The following PCDH7 variants were observed in gnomAD, a reference collection of about 807,000 sequenced individuals.
The protein encoded by PCDH7 is protocadherin-7.
Under a neutral mutation model 58.9 loss-of-function variants are expected in PCDH7, and 17 were observed. The observed-to-expected ratio is 0.29, with a 90% CI of 0.20 to 0.43. PCDH7 has a LOEUF of 0.43. Among genes scored for constraint, PCDH7 ranks in the 20% least tolerant of loss-of-function variants. The pLI, the probability that PCDH7 is intolerant of heterozygous loss-of-function variation, is 1.00. For missense variants in PCDH7, 1,274 were observed against 1,441.0 expected, an observed-to-expected ratio of 0.88 and a Z score of 1.88; for synonymous variants, 664 against 616.4, an observed-to-expected ratio of 1.08 and a Z score of -1.14.
chr4:30,902,359 CA>C (rs1251635487), intron 1 of PCDH7, among the ~76,000 whole-genome samples: 6 of 152,012 alleles, frequency 3.9e-5, no homozygotes, highest in African/African-American at 1.4e-4. Flanking sequence ...CTAGTTAATT[CA>C]TGATCTGCCA....
chr4:30,947,287 T>C (rs1165396353), intron 2 of PCDH7, among the ~76,000 whole-genome samples: 1 of 152,106 alleles, frequency 6.6e-6, no homozygotes, highest in East Asian at 1.9e-4. Flanking sequence ...CCTGTCGTTT[T>C]GGGAAAAAAA....
In PCDH7 at chr4:30,731,025, C is replaced by T. The variant is rs1715414858; in HGVS notation, c.*237C>T. Reference sequence around the variant, plus strand: ...ATGTGCTACTAATGGATGTCTGAGTCACCAGAAATTCCATTCTTAAAGAGG... The same window carrying T: ...ATGTGCTACTAATGGATGTCTGAGTTACCAGAAATTCCATTCTTAAAGAGG... On this transcript the variant is annotated 3_prime_UTR_variant, in exon 2 of 2. Transcript: ENST00000361762. The T allele has an allele frequency of 2.5e-6, 3 of 1,203,162 alleles. No individual in the cohort carries two copies. In the South Asian group the frequency reaches 1.2e-4, roughly 47 times the overall value. 74.5% of individuals were successfully genotyped at this position (1,203,162 alleles called of 1,614,324 possible).
intron 2 of PCDH7, among the ~76,000 whole-genome samples, chr4:30,924,031 G>A (rs1743527092): frequency 6.6e-6 from 1 of 152,146 alleles, no homozygotes. Flanking sequence ...AGCATTGACT[G>A]TGCAAGAGTT....
chr4:30,832,150 C>T (rs964483750), intron 1 of PCDH7, among the ~76,000 whole-genome samples: 1 of 152,126 alleles, frequency 6.6e-6, no homozygotes, highest in African/African-American at 2.4e-5. Flanking sequence ...GACTTGTGAG[C>T]TTTCTCTTGC....
intron 1 of PCDH7, among the ~76,000 whole-genome samples, chr4:30,843,077 T>A (rs77004127): frequency 4.6e-5 from 7 of 152,020 alleles, no homozygotes; most frequent in South Asian, 2.1e-4. Flanking sequence ...TTTTTTTTTT[T>A]ATAATTTGAG....
intron 1 of PCDH7, among the ~76,000 whole-genome samples, chr4:30,771,876 C>A (rs565460934): frequency 1.3e-5 from 2 of 151,766 alleles, no homozygotes; most frequent in Non-Finnish European, 2.9e-5. Context: ...TTCTTTCTTT[C>A]TTTTTTTTCT....
At chr4:30,870,153 T>G (rs1358073655) in intron 1 of PCDH7, among the ~76,000 whole-genome samples, 1 of 152,170 alleles carries the variant, frequency 6.6e-6, no homozygotes, top group Non-Finnish European at 1.5e-5. Flanking sequence ...CTTGTAACTT[T>G]GTTTAAGTTT....
intron 1 of PCDH7, among the ~76,000 whole-genome samples, chr4:30,883,307 T>G (rs1162199936): frequency 6.6e-6 from 1 of 152,180 alleles, no homozygotes; most frequent in Non-Finnish European, 1.5e-5. Context: ...CAAGCCAAAT[T>G]CTCCCAGTAC....
At chr4:30,893,359 C>T (rs1035516780) in intron 1 of PCDH7, among the ~76,000 whole-genome samples, 1 of 152,056 alleles carries the variant, frequency 6.6e-6, no homozygotes, top group Admixed American at 6.6e-5. Flanking sequence ...TCACATTCCT[C>T]TCTCCTGAGA....
chr4:31,091,665 C>A (rs929169976), intron 3 of PCDH7, among the ~76,000 whole-genome samples: 2 of 151,802 alleles, frequency 1.3e-5, no homozygotes, highest in Non-Finnish European at 1.5e-5. Flanking sequence ...AATTTTATAT[C>A]CTAGTTTAAT....
At chr4:31,063,394 A>T (rs1258936981) in intron 3 of PCDH7, among the ~76,000 whole-genome samples, 1 of 151,904 alleles carries the variant, frequency 6.6e-6, no homozygotes, top group Non-Finnish European at 1.5e-5. Flanking sequence ...GAATCCACAA[A>T]ATATTTTACA....
At chr4:30,872,464 A>G (rs1735744161) in intron 1 of PCDH7, among the ~76,000 whole-genome samples, 1 of 152,028 alleles carries the variant, frequency 6.6e-6, no homozygotes, top group Non-Finnish European at 1.5e-5. Context: ...ATTGAATTTG[A>G]CCTGTGGGCT....
At chr4:31,056,231 G>A (rs1160211572) in intron 3 of PCDH7, among the ~76,000 whole-genome samples, 1 of 151,776 alleles carries the variant, frequency 6.6e-6, no homozygotes, top group Non-Finnish European at 1.5e-5. Context: ...AGCCTGGTGT[G>A]GTGGCATACG....
chr4:31,133,177 G>C (rs1233797043), intron 3 of PCDH7, among the ~76,000 whole-genome samples: 1 of 152,132 alleles, frequency 6.6e-6, no homozygotes, highest in Admixed American at 6.6e-5. Flanking sequence ...AAAAGGTCTA[G>C]GTGTGAAAAC....
At chr4:31,099,954 G>A (rs1309278741) in intron 3 of PCDH7, among the ~76,000 whole-genome samples, 1 of 151,858 alleles carries the variant, frequency 6.6e-6, no homozygotes, top group Admixed American at 6.6e-5. Flanking sequence ...AACATTATGA[G>A]GCTCAGATAA....
chr4:31,136,616 T>C (rs1719632920), intron 3 of PCDH7, among the ~76,000 whole-genome samples: 1 of 152,188 alleles, frequency 6.6e-6, no homozygotes, highest in Non-Finnish European at 1.5e-5. Flanking sequence ...GAGTGACACT[T>C]ACTTAGATAA....
At chr4:31,038,185 G>A (rs1156651832) in intron 3 of PCDH7, among the ~76,000 whole-genome samples, 1 of 152,174 alleles carries the variant, frequency 6.6e-6, no homozygotes, top group Non-Finnish European at 1.5e-5. Context: ...CTGGGGAAGA[G>A]TTCCGAGGAG....
At chr4:31,010,554 G>GA (rs1314628108) in intron 3 of PCDH7, among the ~76,000 whole-genome samples, 1 of 151,904 alleles carries the variant, frequency 6.6e-6, no homozygotes, top group African/African-American at 2.4e-5. Context: ...CCATGAGTTA[G>GA]AAGTCAAAAT....
At chr4:30,980,025 A>G (rs1750413087) in intron 3 of PCDH7, among the ~76,000 whole-genome samples, 1 of 152,204 alleles carries the variant, frequency 6.6e-6, no homozygotes, top group Admixed American at 6.5e-5. Flanking sequence ...CAACAACTGT[A>G]CCCTAGGTGC....
Sources: gnomAD v4.1 joint callset for allele counts (sites outside exome capture counted in the v4.1 genomes callset) on GRCh38, gnomAD v4.1.1 for gene constraint, MANE v1.5 for transcripts, NCBI Gene and HGNC (gene_info 2026-07-23, HGNC 2026-07-21) for gene names.